Variants in CTNNA3 observed in about 807,000 individuals in gnomAD.
CTNNA3 encodes the protein catenin alpha-3.
A neutral mutation model predicts 95.7 loss-of-function variants in CTNNA3; 76 were observed. That is an observed-to-expected ratio of 0.79 (90% CI 0.66 to 0.96). CTNNA3 has a LOEUF of 0.96. Among genes scored for constraint, CTNNA3 ranks in the 40% least tolerant of loss-of-function variants. CTNNA3 has a pLI of 0.00. For synonymous variants in CTNNA3, 431 were observed against 374.4 expected (o/e 1.15, Z -1.74); for missense variants, 1,191 against 1,089.8 (o/e 1.09, Z -1.31).
chr10:66,077,811 T>C (rs2080601697), intron 14 of CTNNA3, among the ~76,000 whole-genome samples: 1 of 151,806 alleles, frequency 6.6e-6, no homozygotes, highest in African/African-American at 2.4e-5. Context: ...TATTGCAATA[T>C]ATATTTTATC....
intron 5 of CTNNA3, among the ~76,000 whole-genome samples, chr10:67,310,283 C>T (rs984566057): frequency 6.6e-6 from 1 of 152,096 alleles, no homozygotes; most frequent in African/African-American, 2.4e-5. Flanking sequence ...CAATTAAATG[C>T]CAACTGAAAT....
chr10:66,276,888 A>G (rs1272701163), intron 13 of CTNNA3, among the ~76,000 whole-genome samples: 3 of 152,110 alleles, frequency 2.0e-5, no homozygotes, highest in African/African-American at 7.2e-5. Flanking sequence ...AAGTAGGTTT[A>G]ATACCATGTC....
chr10:66,063,939 A>G (rs1003790790), intron 15 of CTNNA3, among the ~76,000 whole-genome samples: 5 of 152,120 alleles, frequency 3.3e-5, no homozygotes, highest in African/African-American at 1.2e-4. Context: ...CACTTCTCCT[A>G]TGTAGTGTGG....
At chr10:67,407,277 T>C (rs1589260738) in intron 5 of CTNNA3, among the ~76,000 whole-genome samples, 1 of 152,186 alleles carries the variant, frequency 6.6e-6, no homozygotes, top group South Asian at 2.1e-4. Flanking sequence ...CACAGATCTA[T>C]AAATGTGATT....
chr10:66,884,014 A>G (rs1205743596), intron 7 of CTNNA3, among the ~76,000 whole-genome samples: 1 of 152,120 alleles, frequency 6.6e-6, no homozygotes, highest in Non-Finnish European at 1.5e-5. Context: ...GCTTCCACTT[A>G]TGGCAGAAGG....
At chr10:67,624,983 G>A (rs942818151) in intron 2 of CTNNA3, among the ~76,000 whole-genome samples, 2 of 152,104 alleles carry the variant, frequency 1.3e-5, no homozygotes, top group Non-Finnish European at 2.9e-5. Flanking sequence ...TTTCTGTGAA[G>A]AGTCCCTCTT....
chr10:66,883,629 T>C (rs911235016), intron 7 of CTNNA3, among the ~76,000 whole-genome samples: 10 of 152,146 alleles, frequency 6.6e-5, no homozygotes, highest in Non-Finnish European at 1.5e-4. Flanking sequence ...GTGAGTGTTA[T>C]AAAAGTTAAA....
rs557207332 is a variant in CTNNA3, at chr10:65,932,018, A to G, written c.2401-11401T>C. Among the ~76,000 whole-genome samples, 4 of 152,316 alleles carry G rather than the reference A, an allele frequency of 2.6e-5. No individual in the cohort carries two copies. In the East Asian group the frequency reaches 7.7e-4, roughly 29 times the overall value. On this transcript the variant is annotated intron_variant, in intron 17 of 17. Transcript: ENST00000433211. ...GTCTTTGTGTAAATTCAAAGAATAA[A>G]GTTCTCAAGGTTACGTGGATGACCA... is the stretch of plus-strand genomic sequence containing the variant.
chr10:66,233,623 A>G (rs1197167205), intron 13 of CTNNA3, among the ~76,000 whole-genome samples: 1 of 152,214 alleles, frequency 6.6e-6, no homozygotes, highest in Non-Finnish European at 1.5e-5. Flanking sequence ...CACTGCATAT[A>G]GACTAGAATA....
intron 5 of CTNNA3, among the ~76,000 whole-genome samples, chr10:67,325,689 G>A (rs1446378925): frequency 1.3e-5 from 2 of 152,170 alleles, no homozygotes; most frequent in Non-Finnish European, 2.9e-5. Context: ...ATGTGGTCAT[G>A]AGAAGAATGT....
At chr10:67,550,856 A>G (rs781582496) in intron 3 of CTNNA3, among the ~76,000 whole-genome samples, 2 of 152,148 alleles carry the variant, frequency 1.3e-5, no homozygotes, top group Non-Finnish European at 2.9e-5. Context: ...TATCACGTCA[A>G]AATCAAGGCT....
intron 5 of CTNNA3, among the ~76,000 whole-genome samples, chr10:67,226,270 G>A (rs985529239): frequency 6.6e-6 from 1 of 152,196 alleles, no homozygotes; most frequent in African/African-American, 2.4e-5. Context: ...TGGAGGAAGG[G>A]GAGAATCCTA....
At chr10:66,509,456 T>C (rs1840579104) in intron 11 of CTNNA3, among the ~76,000 whole-genome samples, 1 of 152,038 alleles carries the variant, frequency 6.6e-6, no homozygotes, top group South Asian at 2.1e-4. Flanking sequence ...ATCAGTGTCC[T>C]GCAACATTTC....
chr10:65,982,936 T>A (rs2078354984), intron 16 of CTNNA3, among the ~76,000 whole-genome samples: 2 of 151,442 alleles, frequency 1.3e-5, no homozygotes, highest in African/African-American at 2.4e-5. Flanking sequence ...TTGAAATAAT[T>A]TTTTTGCCTC....
At chr10:66,771,823 G>A (rs905066540) in intron 8 of CTNNA3, among the ~76,000 whole-genome samples, 21 of 152,096 alleles carry the variant, frequency 1.4e-4, no homozygotes, top group Non-Finnish European at 2.6e-4. Context: ...TTAAAATGCA[G>A]TGGGAAGAAA....
intron 7 of CTNNA3, among the ~76,000 whole-genome samples, chr10:66,808,064 T>C (rs1459952802): frequency 1.3e-5 from 2 of 152,100 alleles, no homozygotes; most frequent in Non-Finnish European, 2.9e-5. Flanking sequence ...AAATATAATA[T>C]GTTTATGAAA....
chr10:67,602,165 C>T (rs563281104), intron 3 of CTNNA3, among the ~76,000 whole-genome samples: 1 of 146,418 alleles, frequency 6.8e-6, no homozygotes, highest in Admixed American at 7.0e-5. Context: ...ATTAGTCCTT[C>T]ACCTTATGCC....
intron 10 of CTNNA3, among the ~76,000 whole-genome samples, chr10:66,577,403 G>A (rs1017018041): frequency 1.3e-5 from 2 of 151,960 alleles, no homozygotes; most frequent in African/African-American, 2.4e-5. Flanking sequence ...TCTTTGCAAA[G>A]GCCCATGTCC....
At chr10:66,063,389 C>G (rs1213744946) in intron 15 of CTNNA3, among the ~76,000 whole-genome samples, 3 of 150,532 alleles carry the variant, frequency 2.0e-5, no homozygotes, top group Non-Finnish European at 3.0e-5. Flanking sequence ...AAAGTTGTCA[C>G]TCCATGTTTG....
Sources: gnomAD v4.1 joint callset for allele counts (sites outside exome capture counted in the v4.1 genomes callset) on GRCh38, gnomAD v4.1.1 for gene constraint, MANE v1.5 for transcripts, NCBI Gene and HGNC (gene_info 2026-07-23, HGNC 2026-07-21) for gene names.